Variants in PCDHGA6 observed in about 807,000 individuals in gnomAD.
PCDHGA6 encodes the protein protocadherin gamma subfamily A, 6.
In PCDHGA6, 41 loss-of-function variants were observed where a neutral mutation model predicts 60.6. The ratio of observed to expected loss-of-function variants is 0.68; its 90% CI spans 0.53 to 0.88. The LOEUF (loss-of-function observed/expected upper bound fraction) is 0.88. PCDHGA6 is among the 40% of genes least tolerant of loss of function. The pLI is 0.00. For missense variants in PCDHGA6, 1,312 were observed against 1,203.0 expected (o/e 1.09, Z -1.34); for synonymous variants, 594 against 524.4 (o/e 1.13, Z -1.81).
chr5:141,434,506 T>C (rs2154556236), intron 1 of PCDHGA6, among the ~76,000 whole-genome samples: 2 of 152,344 alleles, frequency 1.3e-5, no homozygotes, highest in East Asian at 3.9e-4. Context: ...GGCAGAAAAC[T>C]GCTTAAAGGT....
chr5:141,510,895 CTGT>C, intron 3 of PCDHGA6, 49 bp from the exon 4 acceptor site: 1 of 1,612,988 alleles, frequency 6.2e-7, no homozygotes, highest in Non-Finnish European at 8.5e-7. Flanking sequence ...AAGACAGTGA[CTGT>C]TGAGGACCCT....
intron 1 of PCDHGA6, chr5:141,405,358 A>T: frequency 6.2e-7 from 1 of 1,613,900 alleles, no homozygotes; most frequent in East Asian, 2.2e-5. Flanking sequence ...TTCCTATAGA[A>T]GACACCCCTT....
rs202065305 is a variant in PCDHGA6 at position 141,410,175 on chromosome 5, C to A, written c.2424+33668C>A. 1.1e-5 allele frequency: 17 copies of A among 1,613,752 alleles called. No homozygotes were observed. In the African/African-American group the frequency reaches 2.1e-4, roughly 20 times the overall value. ...GGACAGCCGCCACTCTCTGCCACCG[C>A]CACGCTTCATCTGGTCTTCGCAGAC... On this transcript the variant is annotated intron_variant, in intron 1 of 3. Transcript: ENST00000517434.
chr5:141,426,439 G>A, intron 1 of PCDHGA6: 1 of 302,400 alleles, frequency 3.3e-6, no homozygotes, highest in Non-Finnish European at 6.5e-6. Flanking sequence ...GAACCTTGCG[G>A]AGGACATGCG....
chr5:141,471,977 A>G (rs1487329441), intron 1 of PCDHGA6, among the ~76,000 whole-genome samples: 1 of 152,212 alleles, frequency 6.6e-6, no homozygotes, highest in Non-Finnish European at 1.5e-5. Context: ...ATTACTGTAT[A>G]AATTTATTAA....
intron 1 of PCDHGA6, chr5:141,413,459 A>C: frequency 1.9e-6 from 3 of 1,614,080 alleles, no homozygotes; most frequent in Non-Finnish European, 2.5e-6. Flanking sequence ...GGCAGGATAG[A>C]CCGGGAGGAG....
At position 141,393,567 on chromosome 5, in the gene PCDHGA6, C is replaced by T. The variant is rs766591189; in HGVS notation, c.2424+17060C>T. 6 of 1,613,798 alleles carry T rather than the reference C, an allele frequency of 3.7e-6. No homozygotes were observed. The African/African-American group carries it at 6.7e-5, about 18-fold the overall frequency. ...TCACCCGATTTACCGAGTGAAAGTC[C>T]TTGAGAACATGCCCCCAGGCACGCG... On this transcript the variant is annotated intron_variant, in intron 1 of 3. Transcript: ENST00000517434.
Position 141,477,198 on chromosome 5 carries a change from TACCCGAGGATG to T in PCDHGA6, c.2425-17608_2425-17598del. 6.2e-7 allele frequency: 1 copy of T among 1,614,194 alleles called. No homozygotes were observed. The highest frequency in any genetic ancestry group is 2.2e-5 in the East Asian group (1 of 44,874). On this transcript the variant is annotated intron_variant, in intron 1 of 3. Transcript: ENST00000517434. The surrounding 1 kb of genome is among the most constrained non-coding windows in gnomAD (Gnocchi z 4.9). ...ACAGTCACCTCCGTGTACAGCCCAG[TACCCGAGGATG>T]CCCCTCTGGGGACTGTCATCGCTTT...
At chr5:141,444,788 G>T (rs775248284) in intron 1 of PCDHGA6, among the ~76,000 whole-genome samples, 59 of 151,920 alleles carry the variant, frequency 3.9e-4, no homozygotes, top group Non-Finnish European at 5.7e-4. Context: ...TGTTTCATTT[G>T]TCTATTCTTT....
rs1554175372 is a variant in PCDHGA6, at chr5:141,490,827, G to A, written c.2425-3980G>A. ...CCTTTGACTATGAATTGCTGCAGAT[G>A]CTGCAGATTGTGGTGGGGGTTCGAG... On this transcript the variant is annotated intron_variant, in intron 1 of 3. Transcript: ENST00000517434. This position sits in a 1 kb window ranked among gnomAD's most constrained non-coding sequence, Gnocchi z 5.4. 1 of 1,613,744 alleles carries A rather than the reference G, an allele frequency of 6.2e-7. No individual in the cohort carries two copies. Among genetic ancestry groups the A allele is most frequent in the Non-Finnish European group, 8.5e-7 (1 of 1,179,828 alleles).
chr5:141,465,918 C>T lies in PCDHGA6; in HGVS notation c.2425-28889C>T, dbSNP rs34980831. On this transcript the variant is annotated intron_variant, in intron 1 of 3. Transcript: ENST00000517434. ...CGGGCAAATCACGAGGTCAGGATTT[C>T]GAGTCCATCCTGGCTAACATGGTGA... 2.0e-3 allele frequency among the ~76,000 whole-genome samples: 307 copies of T among 152,144 alleles called. 1 individual carries two copies. Among genetic ancestry groups the T allele is most frequent in the Middle Eastern group, 0.01 (3 of 294 alleles).
At chr5:141,499,908 G>A (rs903753761) in intron 2 of PCDHGA6, among the ~76,000 whole-genome samples, 2 of 151,980 alleles carry the variant, frequency 1.3e-5, no homozygotes, top group African/African-American at 2.4e-5. Flanking sequence ...GGCTGGTCTT[G>A]AACTCCTGGC....
At chr5:141,457,432 C>G (rs982456249) in intron 1 of PCDHGA6, among the ~76,000 whole-genome samples, 1 of 152,172 alleles carries the variant, frequency 6.6e-6, no homozygotes, top group Non-Finnish European at 1.5e-5. Context: ...TCCCCCCCAC[C>G]AAGCTGCAGA....
At chr5:141,480,726 G>A (rs2099524533) in intron 1 of PCDHGA6, among the ~76,000 whole-genome samples, 1 of 152,138 alleles carries the variant, frequency 6.6e-6, no homozygotes, top group Non-Finnish European at 1.5e-5. Context: ...CACAGTCTCT[G>A]GGGGTGGGAC....
intron 1 of PCDHGA6, among the ~76,000 whole-genome samples, chr5:141,480,866 G>A (rs1329444129): frequency 6.6e-6 from 1 of 152,142 alleles, no homozygotes; most frequent in Non-Finnish European, 1.5e-5. Flanking sequence ...CCAATATGGT[G>A]AAACCCCGTC....
At chr5:141,438,585 TAC>T (rs1561889967) in intron 1 of PCDHGA6, among the ~76,000 whole-genome samples, 141 of 61,160 alleles carry the variant, frequency 2.3e-3, no homozygotes, top group South Asian at 4.3e-3. Flanking sequence ...CATACATACA[TAC>T]ATACATATAT....
At chr5:141,423,360 G>A (rs762976655) in intron 1 of PCDHGA6, 1 of 1,614,224 alleles carries the variant, frequency 6.2e-7, no homozygotes, top group Non-Finnish European at 8.5e-7. Context: ...TTGTCATCGT[G>A]CTGCTGGCAC....
chr5:141,388,662 A>G, intron 1 of PCDHGA6: 1 of 1,613,954 alleles, frequency 6.2e-7, no homozygotes, highest in African/African-American at 1.3e-5. Flanking sequence ...CCCGGGGACC[A>G]CGGTGCTACA....
At chr5:141,497,354 A>G (rs1430368474) in intron 2 of PCDHGA6, among the ~76,000 whole-genome samples, 1 of 152,054 alleles carries the variant, frequency 6.6e-6, no homozygotes, top group Non-Finnish European at 1.5e-5. Flanking sequence ...AGCCCCACCA[A>G]CTGCCTCTCA....
Sources: allele counts gnomAD v4.1 joint callset (sites outside exome capture counted in the v4.1 genomes callset), GRCh38; gene constraint gnomAD v4.1.1; non-coding constraint Gnocchi (gnomAD v3.1); transcripts MANE v1.5; gene names NCBI Gene and HGNC (gene_info 2026-07-23, HGNC 2026-07-21).